Variants in CCDC171 observed in about 807,000 individuals in gnomAD.
The protein encoded by CCDC171 is coiled-coil domain-containing protein 171.
CCDC171 carries 177 observed loss-of-function variants against 168.2 expected under a neutral mutation model. That is an observed-to-expected ratio of 1.05 (90% CI 0.93 to 1.19). The LOEUF (loss-of-function observed/expected upper bound fraction) is 1.19. CCDC171 is among the 50% of genes most tolerant of loss of function. The probability of loss-of-function intolerance (pLI) is 0.00; values close to 1 mark genes in which losing one functional copy is unlikely to be tolerated. For synonymous variants in CCDC171, 687 were observed against 540.8 expected (o/e 1.27, Z -3.75); for missense variants, 1,991 against 1,539.0 (o/e 1.29, Z -4.91).
chr9:15,859,941 A>G (rs895599328), intron 23 of CCDC171, among the ~76,000 whole-genome samples: 1 of 151,616 alleles, frequency 6.6e-6, no homozygotes, highest in Non-Finnish European at 1.5e-5. Flanking sequence ...TGCTGGGATT[A>G]TAGGTATAAG....
intron 25 of CCDC171, among the ~76,000 whole-genome samples, chr9:15,951,834 G>A (rs142682261): frequency 1.3e-5 from 2 of 152,146 alleles, no homozygotes; most frequent in African/African-American, 4.8e-5. Context: ...TCTGTTCATA[G>A]TGTCCTTTGA....
intron 21 of CCDC171, among the ~76,000 whole-genome samples, chr9:15,785,586 C>T (rs954245668): frequency 1.3e-5 from 2 of 151,972 alleles, no homozygotes; most frequent in African/African-American, 4.8e-5. Context: ...TTATAAAACA[C>T]TTAGGTACTC....
intron 3 of CCDC171, among the ~76,000 whole-genome samples, chr9:16,009,408 G>C (rs1832797982): frequency 6.6e-6 from 1 of 152,072 alleles, no homozygotes; most frequent in Admixed American, 6.6e-5. Context: ...TTTTTCCTTA[G>C]CTCATTGTTA....
chr9:16,037,016 A>G (rs1360211054), intron 8 of CCDC171, among the ~76,000 whole-genome samples: 1 of 152,216 alleles, frequency 6.6e-6, no homozygotes, highest in Non-Finnish European at 1.5e-5. Context: ...GGGTATGAAG[A>G]GGAAATGATG....
chr9:15,995,561 G>T (rs2987032), intron 3 of CCDC171, among the ~76,000 whole-genome samples: 1 of 152,148 alleles, frequency 6.6e-6, no homozygotes, highest in African/African-American at 2.4e-5. Flanking sequence ...TGTAGGAGCT[G>T]TCATCAGCTG....
intron 10 of CCDC171, among the ~76,000 whole-genome samples, chr9:15,693,831 C>T (rs995406038): frequency 5.3e-5 from 8 of 152,132 alleles, no homozygotes; most frequent in African/African-American, 1.9e-4. Context: ...TCTGACCCTT[C>T]CCTCCTTTCC....
chr9:15,995,261 A>G (rs1322102541), intron 3 of CCDC171, among the ~76,000 whole-genome samples: 1 of 152,236 alleles, frequency 6.6e-6, no homozygotes, highest in Non-Finnish European at 1.5e-5. Context: ...CAGCTGGCCA[A>G]GAACAGAACA....
intron 23 of CCDC171, among the ~76,000 whole-genome samples, chr9:15,865,384 T>TGTGTG (rs2061733519): frequency 6.6e-6 from 1 of 150,434 alleles, no homozygotes; most frequent in East Asian, 2.0e-4. Flanking sequence ...TTTGTCATAT[T>TGTGTG]TGTGTGTGTG....
At chr9:15,779,751 C>A (rs573965141) in intron 20 of CCDC171, among the ~76,000 whole-genome samples, 117 of 152,272 alleles carry the variant, frequency 7.7e-4, no homozygotes, top group African/African-American at 2.6e-3. Flanking sequence ...ATTTATCTAA[C>A]GTCCATCAAT....
intron 8 of CCDC171, among the ~76,000 whole-genome samples, chr9:15,660,020 C>T (rs371015648): frequency 6.6e-6 from 1 of 152,232 alleles, no homozygotes; most frequent in East Asian, 1.9e-4. Context: ...AAGACTTACA[C>T]TTTTTTCCTA....
At chr9:15,771,708 G>C (rs1363819802) in intron 18 of CCDC171, among the ~76,000 whole-genome samples, 1 of 152,088 alleles carries the variant, frequency 6.6e-6, no homozygotes, top group African/African-American at 2.4e-5. Flanking sequence ...TTACCTCAAG[G>C]TAGTATTGCT....
At chr9:16,096,464 G>A in the CCDC171 span, among the ~76,000 whole-genome samples, 6 of 152,122 alleles carry the variant, frequency 3.9e-5, no homozygotes, top group South Asian at 2.1e-4. Context: ...TGCTATGTTC[G>A]TGAGTTAAAA....
intron 1 of CCDC171, among the ~76,000 whole-genome samples, chr9:16,056,054 T>A (rs1022659115): frequency 6.6e-6 from 1 of 152,190 alleles, no homozygotes; most frequent in African/African-American, 2.4e-5. Flanking sequence ...ACTATAACAT[T>A]GCATATTCAA....
In CCDC171 at chr9:15,706,268, CCTTT is replaced by C. The variant is rs2052226750; in HGVS notation, c.1318+10935_1318+10938del. 2.6e-5 allele frequency among the ~76,000 whole-genome samples: 4 copies of C among 151,654 alleles called. 1 individual carries two copies. The highest frequency in any genetic ancestry group is 4.2e-4 in the South Asian group (2 of 4,748). ...TGCTTCCTTCCTTCCTTCCTTCCTT[CCTTT>C]CTTCCTTCCTTTCTTTTTCTGCATC... On this transcript the variant is annotated intron_variant, in intron 11 of 25. Transcript: ENST00000380701.
chr9:15,906,386 C>T (rs910289424), intron 24 of CCDC171, among the ~76,000 whole-genome samples: 3 of 152,110 alleles, frequency 2.0e-5, no homozygotes, highest in Non-Finnish European at 4.4e-5. Context: ...AATCAATAAA[C>T]GTAATCCAGC....
intron 8 of CCDC171, among the ~76,000 whole-genome samples, chr9:15,657,640 G>T (rs547321377): frequency 6.6e-6 from 1 of 152,280 alleles, no homozygotes; most frequent in East Asian, 1.9e-4. Flanking sequence ...GCATATCACT[G>T]TATTAAGAGC....
At chr9:15,692,730 T>C (rs1295231853) in intron 10 of CCDC171, among the ~76,000 whole-genome samples, 3 of 151,758 alleles carry the variant, frequency 2.0e-5, no homozygotes, top group Non-Finnish European at 4.4e-5. Flanking sequence ...GGTTTCACTG[T>C]GTTAGCCCGT....
At chr9:15,612,832 G>T (rs276438) in intron 6 of CCDC171, among the ~76,000 whole-genome samples, 1 of 152,054 alleles carries the variant, frequency 6.6e-6, no homozygotes, top group African/African-American at 2.4e-5. Flanking sequence ...GTTCTTACCT[G>T]TCTTACTAGT....
At chr9:15,952,068 G>A (rs1009400206) in intron 25 of CCDC171, among the ~76,000 whole-genome samples, 1 of 152,084 alleles carries the variant, frequency 6.6e-6, no homozygotes, top group African/African-American at 2.4e-5. Context: ...TTTCTTCAGT[G>A]AACTTCTTCA....
Sources: gnomAD v4.1 joint callset for allele counts (sites outside exome capture counted in the v4.1 genomes callset) on GRCh38, gnomAD v4.1.1 for gene constraint, MANE v1.5 for transcripts, NCBI Gene and HGNC (gene_info 2026-07-23, HGNC 2026-07-21) for gene names.